The following NFIX variants were observed in gnomAD, a reference collection of about 807,000 sequenced individuals.
NFIX encodes nuclear factor 1 X-type.
A neutral mutation model predicts 53.3 loss-of-function variants in NFIX; 2 were observed. The ratio of observed to expected loss-of-function variants is 0.04; its 90% CI spans 0.02 to 0.12. NFIX has a LOEUF of 0.12. NFIX is among the 10% of genes least tolerant of loss of function. NFIX has a pLI of 1.00. For synonymous variants in NFIX, 244 were observed against 289.0 expected (o/e 0.84, Z 1.58); for missense variants, 310 against 674.5 (o/e 0.46, Z 5.99).
chr19:13,015,809 C>G (rs2012632098), intron 1 of NFIX, among the ~76,000 whole-genome samples: 1 of 60,752 alleles, frequency 1.6e-5, no homozygotes, highest in Non-Finnish European at 2.9e-5. Flanking sequence ...CACACACACA[C>G]ACACGCACAC....
chr19:13,003,421 C>T (rs941365259), intron 1 of NFIX, among the ~76,000 whole-genome samples: 3 of 152,236 alleles, frequency 2.0e-5, no homozygotes, highest in East Asian at 3.9e-4. Context: ...CAAATGCAGC[C>T]CCACAGGCAC....
chr19:13,087,774 CAAAAAAAAAA>C (rs1157966190), intron 8 of NFIX, among the ~76,000 whole-genome samples: 12 of 26,394 alleles, frequency 4.5e-4, no homozygotes, highest in African/African-American at 8.9e-4. Flanking sequence ...AAAAGAGGAC[CAAAAAAAAAA>C]AAAAAAAAAA....
Position 13,093,541 on chromosome 19 carries a change from C to CA in NFIX, c.1495-1093dup, listed in dbSNP as rs1222033946. 6.6e-6 allele frequency among the ~76,000 whole-genome samples: 1 copy of CA among 152,216 alleles called. No homozygotes were observed. Among genetic ancestry groups the CA allele is most frequent in the Non-Finnish European group, 1.5e-5 (1 of 68,044 alleles). On this transcript the variant is annotated intron_variant, in intron 10 of 10. Transcript: ENST00000592199. The surrounding 1 kb of genome is among the most constrained non-coding windows in gnomAD (Gnocchi z 4.7). ...GGAGCACAGCCTGCACTGCCCCTTACATTTGAACCCTGGCTCTGTTGCCCG... is the reference window on the plus strand; with the variant it reads ...GGAGCACAGCCTGCACTGCCCCTTACAATTTGAACCCTGGCTCTGTTGCCCG...
At position 12,995,863 on chromosome 19, in the gene NFIX, A is replaced by T; in HGVS notation, c.26A>T (p.Gln9Leu). The change falls in exon 1 of 11, where the codon CAG becomes CTG. Residue 9 changes from glutamine to leucine, a missense_variant and splice_region_variant. Gln to Leu is a moderately radical substitution (Grantham distance 113). Transcript: ENST00000592199. MYSPYCLT[Q>L]DEFHPFIEAL... ...ATGTACTCCCCGTACTGCCTCACCC[A>T]GGTACCGGCCGCCGCCCCCGCGCGA... 1 of 971,356 alleles carries T rather than the reference A, an allele frequency of 1.0e-6. No individual in the cohort carries two copies. Among genetic ancestry groups the T allele is most frequent in the Non-Finnish European group, 1.2e-6 (1 of 824,606 alleles). 60.2% of individuals were successfully genotyped at this position (971,356 alleles called of 1,614,324 possible).
chr19:13,024,197 G>C (rs1265435720), intron 1 of NFIX, among the ~76,000 whole-genome samples: 4 of 151,814 alleles, frequency 2.6e-5, no homozygotes, highest in Non-Finnish European at 5.9e-5. Context: ...TGAAGGGGTT[G>C]TGGGAGGCTG....
intron 1 of NFIX, among the ~76,000 whole-genome samples, chr19:13,010,472 A>C (rs1265993672): frequency 6.6e-6 from 1 of 152,242 alleles, no homozygotes; most frequent in African/African-American, 2.4e-5. Context: ...CGGCGCCCCC[A>C]GTCGGGATCT....
chr19:13,015,813 C>T (rs558057937), intron 1 of NFIX, among the ~76,000 whole-genome samples: 5 of 150,790 alleles, frequency 3.3e-5, no homozygotes, highest in Admixed American at 6.6e-5. Flanking sequence ...CACACACACA[C>T]GCACACGCAC....
chr19:13,034,798 T>G (rs905958780), intron 2 of NFIX, among the ~76,000 whole-genome samples: 4 of 152,156 alleles, frequency 2.6e-5, no homozygotes, highest in African/African-American at 9.7e-5. Flanking sequence ...CTAGCATGAC[T>G]AAGGCTGGGT....
Position 13,090,224 on chromosome 19 carries a change from C to A in NFIX, c.1403-75C>A. 2.2e-6 allele frequency: 3 copies of A among 1,381,626 alleles called. No homozygotes were observed. Among genetic ancestry groups the A allele is most frequent in the Non-Finnish European group, 3.1e-6 (3 of 968,982 alleles). 85.6% of individuals were successfully genotyped at this position (1,381,626 alleles called of 1,614,324 possible). On this transcript the variant is annotated intron_variant, in intron 9 of 10. Transcript: ENST00000592199. This position sits in a 1 kb window ranked among gnomAD's most constrained non-coding sequence, Gnocchi z 6.6. The stretch of plus-strand genomic sequence containing the variant: ...CTAACTCAGTCTCTCCCTCTCTCAG[C>A]AGCCCCGAGGGGCAGTGCCCAGGTG...
In NFIX at chr19:13,049,048, G is replaced by A. The variant is rs1294794835; in HGVS notation, c.559+23496G>A. Among the ~76,000 whole-genome samples, 8 of 152,070 alleles carry A rather than the reference G, an allele frequency of 5.3e-5. No homozygotes were observed. Among genetic ancestry groups the A allele is most frequent in the Non-Finnish European group, 1.2e-4 (8 of 68,020 alleles). The stretch of plus-strand genomic sequence containing the variant: ...GACAAGATCGCGTCACTGTACCCCA[G>A]CCTGGGCGACAGAGCAAGACTCTGT... On this transcript the variant is annotated intron_variant, in intron 2 of 10. Coordinates refer to ENST00000592199, the MANE Select transcript of NFIX (RefSeq NM_001365902.3). The surrounding 1 kb of genome is among the most constrained non-coding windows in gnomAD (Gnocchi z 4.5).
In NFIX at chr19:13,009,716, G is replaced by C. The variant is rs555038934; in HGVS notation, c.27+13852G>C. Among the ~76,000 whole-genome samples the C allele has an allele frequency of 1.6e-4, 24 of 152,354 alleles. No homozygotes were observed. Among genetic ancestry groups the C allele is most frequent in the African/African-American group, 5.8e-4 (24 of 41,584 alleles). ...CACCAAATGCTACTTGGCTCCAAGT[G>C]GGGTACTGATGGGCACTGAAAAACC... On this transcript the variant is annotated intron_variant, in intron 1 of 10. Transcript: ENST00000592199. The surrounding 1 kb of genome is among the most constrained non-coding windows in gnomAD (Gnocchi z 4.7).
Position 13,028,452 on chromosome 19 carries a change from C to T in NFIX, c.559+2900C>T, listed in dbSNP as rs1035700813. Among the ~76,000 whole-genome samples the T allele has an allele frequency of 1.3e-5, 2 of 152,132 alleles. No homozygotes were observed. Among genetic ancestry groups the T allele is most frequent in the Non-Finnish European group, 2.9e-5 (2 of 68,032 alleles). ...GCTTTGCTCCCAGGTGCCATTGTCA[C>T]CCATGGCCTTCCTGAGCCCTTGTTA... is the stretch of plus-strand genomic sequence containing the variant. On this transcript the variant is annotated intron_variant, in intron 2 of 10. Transcript: ENST00000592199. This position sits in a 1 kb window ranked among gnomAD's most constrained non-coding sequence, Gnocchi z 4.2.
chr19:13,065,333 C>G (rs1323565177), intron 2 of NFIX, among the ~76,000 whole-genome samples: 2 of 152,238 alleles, frequency 1.3e-5, no homozygotes, highest in African/African-American at 2.4e-5. Flanking sequence ...CTTGCCTGAT[C>G]TTTGCCTGTC....
At chr19:13,050,986 C>A (rs2015294079) in intron 2 of NFIX, among the ~76,000 whole-genome samples, 1 of 152,150 alleles carries the variant, frequency 6.6e-6, no homozygotes, top group Non-Finnish European at 1.5e-5. Context: ...AGAAGGCAGG[C>A]CCCAAAGCAG....
chr19:13,095,003 C>T lies in NFIX; in HGVS notation c.*354C>T, dbSNP rs894553016. The T allele has an allele frequency of 7.2e-6, 2 of 279,414 alleles. No individual in the cohort carries two copies. The highest frequency in any genetic ancestry group is 4.9e-5 in the Admixed American group (1 of 20,540). The allele number at this position is 279,414 out of a possible 1,614,324, so 17.3% of individuals were successfully genotyped here. A position where few individuals can be genotyped will look rare whatever the true frequency, so the allele number is the denominator to read the frequency against. On this transcript the variant is annotated 3_prime_UTR_variant, in exon 11 of 11. Coordinates refer to ENST00000592199, the MANE Select transcript of NFIX (RefSeq NM_001365902.3). ...CCGCCCCGGCCTTCTGGGGAAGGAA[C>T]AAAGTCCCCAAACAAAGCAACCAGC... is the stretch of plus-strand genomic sequence containing the variant.
chr19:13,003,919 C>T (rs750557518), intron 1 of NFIX, among the ~76,000 whole-genome samples: 9 of 151,908 alleles, frequency 5.9e-5, no homozygotes, highest in Non-Finnish European at 1.0e-4. Flanking sequence ...GGACTACAGC[C>T]GAGCACCACC....
rs1229025884 is a variant in NFIX, at chr19:13,049,944, G to A, written c.560-23103G>A. 6.6e-6 allele frequency among the ~76,000 whole-genome samples: 1 copy of A among 152,208 alleles called. No homozygotes were observed. Among genetic ancestry groups the A allele is most frequent in the African/African-American group, 2.4e-5 (1 of 41,456 alleles). On this transcript the variant is annotated intron_variant, in intron 2 of 10. Transcript: ENST00000592199. The surrounding 1 kb of genome is among the most constrained non-coding windows in gnomAD (Gnocchi z 4.5). Reference sequence around the variant, plus strand: ...TAATTGTATGGCTGTGCCACATTTTGTTTATCCATTCATACATTGATGGAT... The same window carrying A: ...TAATTGTATGGCTGTGCCACATTTTATTTATCCATTCATACATTGATGGAT...
In NFIX at chr19:13,094,787, A is replaced by C. The variant is rs1424934461; in HGVS notation, c.*138A>C. On this transcript the variant is annotated 3_prime_UTR_variant, in exon 11 of 11. Coordinates refer to ENST00000592199, the MANE Select transcript of NFIX (RefSeq NM_001365902.3). This position sits in a 1 kb window ranked among gnomAD's most constrained non-coding sequence, Gnocchi z 4.3. The stretch of plus-strand genomic sequence containing the variant: ...AAAAATTACACGTCGTCAGCCACTC[A>C]GCCCTTCTCTCCTCCAGCCCGGGGA... The C allele has an allele frequency of 3.3e-5, 30 of 903,310 alleles. No homozygotes were observed. Among genetic ancestry groups the C allele is most frequent in the Admixed American group, 1.8e-4 (8 of 44,436 alleles). The allele number at this position is 903,310 out of a possible 1,614,324, so 56.0% of individuals were successfully genotyped here. A position where few individuals can be genotyped will look rare whatever the true frequency, so the allele number is the denominator to read the frequency against.
intron 1 of NFIX, chr19:13,024,391 G>A (rs2013152095): frequency 3.9e-6 from 3 of 778,092 alleles, no homozygotes; most frequent in African/African-American, 3.8e-5. Context: ...TGTTGGGGTG[G>A]ATGTTCCAAC....
Sources: gnomAD v4.1 joint callset for allele counts (sites outside exome capture counted in the v4.1 genomes callset) on GRCh38, gnomAD v4.1.1 for gene constraint, Gnocchi (gnomAD v3.1) non-coding constraint, MANE v1.5 for transcripts, NCBI Gene and HGNC (gene_info 2026-07-23, HGNC 2026-07-21) for gene names.